Variants in TTC29 observed in about 807,000 individuals in gnomAD.
The protein encoded by TTC29 is tetratricopeptide repeat domain 29.
A neutral mutation model predicts 58.1 loss-of-function variants in TTC29; 49 were observed. The ratio of observed to expected loss-of-function variants is 0.84; its 90% confidence interval spans 0.67 to 1.07. TTC29 has a LOEUF of 1.07. TTC29 is among the 50% of genes least tolerant of loss of function. TTC29 has a pLI of 0.00. For missense variants in TTC29, 582 were observed against 555.6 expected (o/e 1.05, Z -0.48); for synonymous variants, 209 against 196.8 (o/e 1.06, Z -0.52).
intron 11 of TTC29, among the ~76,000 whole-genome samples, chr4:146,788,656 G>A (rs1749214024): frequency 6.6e-6 from 1 of 151,726 alleles, no homozygotes; most frequent in African/African-American, 2.4e-5. Flanking sequence ...GACATGCTGA[G>A]AAAATTCCAC....
intron 3 of TTC29, among the ~76,000 whole-genome samples, chr4:146,938,460 A>G (rs1158629394): frequency 1.3e-5 from 2 of 152,176 alleles, no homozygotes; most frequent in Admixed American, 6.5e-5. Context: ...AGATTTGGCT[A>G]TGCTTTTGCT....
chr4:146,729,173 G>A lies in TTC29; in HGVS notation c.1331-21622C>T, dbSNP rs185931253. Among the ~76,000 whole-genome samples, 458 of 152,072 alleles carry A rather than the reference G, an allele frequency of 3.0e-3. 2 individuals are homozygous for A. Among genetic ancestry groups the A allele is most frequent in the African/African-American group, 0.011 (439 of 41,488 alleles). ...TATCTCTTCTTTTCACTAATAATAT[G>A]TGGGAGATCTTGTGCCATCTTATAC... On this transcript the variant is annotated intron_variant, in intron 11 of 12. Coordinates refer to ENST00000325106, the MANE Select transcript of TTC29 (RefSeq NM_031956.4).
Position 146,903,563 on chromosome 4 carries a change from A to G in TTC29, c.567T>C (p.Gly189=). 2 of 1,610,750 alleles carry G rather than the reference A, an allele frequency of 1.2e-6. No homozygotes were observed. The highest frequency in any genetic ancestry group is 1.7e-6 in the Non-Finnish European group (2 of 1,178,540). Residue 189 remains glycine, a synonymous_variant, in exon 6 of 13, where the codon GGT becomes GGC. Coordinates refer to ENST00000325106, the MANE Select transcript of TTC29 (RefSeq NM_031956.4). The part of the protein sequence containing the change: ...KKEAEAHMHM[G]LLYEEDGQLL... The stretch of plus-strand genomic sequence containing the variant: ...ACTCACCATCTTCCTCGTAGAGAAG[A>G]CCCATATGCATGTGTGCCTCGGCTT...
chr4:146,750,286 C>T (rs1476708797), intron 11 of TTC29, among the ~76,000 whole-genome samples: 2 of 152,178 alleles, frequency 1.3e-5, no homozygotes, highest in African/African-American at 4.8e-5. Flanking sequence ...GGATTACAGG[C>T]ATGAGCCACT....
At chr4:146,756,688 A>G (rs1303693149) in intron 11 of TTC29, among the ~76,000 whole-genome samples, 1 of 151,670 alleles carries the variant, frequency 6.6e-6, no homozygotes, top group Non-Finnish European at 1.5e-5. Flanking sequence ...GTCATTTAAC[A>G]TAATCCCAGA....
intron 10 of TTC29, among the ~76,000 whole-genome samples, chr4:146,817,268 A>G (rs954484710): frequency 2.0e-5 from 3 of 152,228 alleles, no homozygotes; most frequent in African/African-American, 7.2e-5. Flanking sequence ...AAAAATCACA[A>G]GCATTCTTAT....
At chr4:146,903,099 T>A (rs1304535565) in intron 6 of TTC29, among the ~76,000 whole-genome samples, 3 of 152,212 alleles carry the variant, frequency 2.0e-5, no homozygotes, top group African/African-American at 7.2e-5. Context: ...TTATTAAGTA[T>A]GAAGTTATTT....
chr4:146,863,752 G>C (rs376221720), intron 8 of TTC29, among the ~76,000 whole-genome samples: 3 of 152,114 alleles, frequency 2.0e-5, no homozygotes, highest in African/African-American at 7.2e-5. Context: ...CCTGCAAACT[G>C]GTGAGTCAGT....
chr4:146,732,207 T>C (rs1744386127), intron 11 of TTC29, among the ~76,000 whole-genome samples: 1 of 152,172 alleles, frequency 6.6e-6, no homozygotes, highest in Non-Finnish European at 1.5e-5. Context: ...CACTGTTCTT[T>C]GTAAATTTTA....
chr4:146,778,506 T>C (rs890780631), intron 11 of TTC29, among the ~76,000 whole-genome samples: 1 of 152,154 alleles, frequency 6.6e-6, no homozygotes, highest in African/African-American at 2.4e-5. Context: ...GATCGTTTCA[T>C]GGGTGTCAAT....
intron 8 of TTC29, among the ~76,000 whole-genome samples, chr4:146,863,337 CT>C (rs1042761100): frequency 6.6e-6 from 1 of 152,126 alleles, no homozygotes; most frequent in Admixed American, 6.6e-5. Flanking sequence ...TGCTTAAGCT[CT>C]TTTGTACCTC....
intron 9 of TTC29, chr4:146,831,551 A>C (rs767469335): frequency 5.9e-5 from 14 of 238,638 alleles, no homozygotes; most frequent in Non-Finnish European, 1.1e-4. Context: ...AAACAAATTC[A>C]ACTTCATGAT....
At chr4:146,719,210 G>GTA (rs1743175578) in intron 11 of TTC29, among the ~76,000 whole-genome samples, 1 of 151,614 alleles carries the variant, frequency 6.6e-6, no homozygotes, top group Non-Finnish European at 1.5e-5. Context: ...GTGTGTGTGT[G>GTA]TGTGTGTGTG....
At chr4:146,902,559 T>G (rs546085127) in intron 6 of TTC29, among the ~76,000 whole-genome samples, 1 of 152,304 alleles carries the variant, frequency 6.6e-6, no homozygotes, top group Non-Finnish European at 1.5e-5. Flanking sequence ...CTGTTCCCTC[T>G]TCACAGAATA....
chr4:146,849,511 A>C (rs1729380428), intron 8 of TTC29, among the ~76,000 whole-genome samples: 2 of 152,056 alleles, frequency 1.3e-5, no homozygotes, highest in Admixed American at 1.3e-4. Flanking sequence ...CCAGTGTCTG[A>C]TGTTTTAGAT....
At chr4:146,825,399 T>C (rs987687176) in intron 9 of TTC29, among the ~76,000 whole-genome samples, 3 of 152,242 alleles carry the variant, frequency 2.0e-5, no homozygotes, top group Non-Finnish European at 2.9e-5. Flanking sequence ...AATTTCCATG[T>C]AATTTTGCAG....
intron 10 of TTC29, among the ~76,000 whole-genome samples, chr4:146,818,244 A>G (rs1168544270): frequency 1.3e-5 from 2 of 152,216 alleles, no homozygotes; most frequent in African/African-American, 4.8e-5. Context: ...CAAGAAAAAA[A>G]CAAATAACCC....
At chr4:146,876,842 A>G (rs1157623292) in intron 6 of TTC29, among the ~76,000 whole-genome samples, 2 of 146,320 alleles carry the variant, frequency 1.4e-5, no homozygotes, top group Admixed American at 7.1e-5. Flanking sequence ...AGGCTGAGGC[A>G]GGGGAATCGC....
intron 11 of TTC29, among the ~76,000 whole-genome samples, chr4:146,743,073 AG>A (rs1247735618): frequency 6.6e-6 from 1 of 152,088 alleles, no homozygotes; most frequent in Non-Finnish European, 1.5e-5. Context: ...CATCAGCGTT[AG>A]TCAAAGACCT....
Sources: allele counts gnomAD v4.1 joint callset (sites outside exome capture counted in the v4.1 genomes callset), GRCh38; gene constraint gnomAD v4.1.1; transcripts MANE v1.5; gene names NCBI Gene and HGNC (gene_info 2026-07-23, HGNC 2026-07-21).